Variants in ADAMTS19 observed in about 807,000 individuals in gnomAD.
ADAMTS19 encodes the protein A disintegrin and metalloproteinase with thrombospondin motifs 19.
A neutral mutation model predicts 153.3 loss-of-function variants in ADAMTS19; 93 were observed. The ratio of observed to expected loss-of-function variants is 0.61; its 90% CI spans 0.51 to 0.72. ADAMTS19 has a LOEUF of 0.72. ADAMTS19 is among the 30% of genes least tolerant of loss of function. The pLI, the probability that ADAMTS19 is intolerant of heterozygous loss-of-function variation, is 0.00. For synonymous variants in ADAMTS19, 600 were observed against 556.6 expected (o/e 1.08, Z -1.10); for missense variants, 1,482 against 1,552.1 (o/e 0.95, Z 0.76).
chr5:129,699,985 G>T (rs940926703), intron 19 of ADAMTS19, among the ~76,000 whole-genome samples: 5 of 152,030 alleles, frequency 3.3e-5, no homozygotes, highest in Admixed American at 2.0e-4. Context: ...AGCTAATAAG[G>T]TACCTACAAA....
At chr5:129,521,420 T>C (rs10036466) in intron 3 of ADAMTS19, among the ~76,000 whole-genome samples, 14,314 of 152,162 alleles carry the variant, frequency 0.094, 1,192 homozygotes, top group African/African-American at 0.23. Flanking sequence ...ATGAATTAGA[T>C]ATTGCAATAA....
At chr5:129,600,189 C>T (rs1001157171) in intron 8 of ADAMTS19, among the ~76,000 whole-genome samples, 1 of 151,994 alleles carries the variant, frequency 6.6e-6, no homozygotes, top group African/African-American at 2.4e-5. Flanking sequence ...ATGGTATCTA[C>T]AGATTCTATG....
intron 21 of ADAMTS19, among the ~76,000 whole-genome samples, chr5:129,721,188 C>T (rs542222385): frequency 6.6e-6 from 1 of 152,242 alleles, no homozygotes; most frequent in East Asian, 1.9e-4. Context: ...TGGATACCTA[C>T]TAAGCATAGT....
chr5:129,505,382 A>C (rs1751237862), intron 2 of ADAMTS19, among the ~76,000 whole-genome samples: 1 of 152,122 alleles, frequency 6.6e-6, no homozygotes, highest in African/African-American at 2.4e-5. Context: ...GTTCCTTCTA[A>C]CTTTTTAGTT....
chr5:129,689,934 A>G (rs984104592), intron 18 of ADAMTS19, among the ~76,000 whole-genome samples: 11 of 152,216 alleles, frequency 7.2e-5, no homozygotes, highest in African/African-American at 9.6e-5. Context: ...GCGATAATCC[A>G]TGAACTGGAT....
At chr5:129,687,162 A>G (rs770209562) in intron 18 of ADAMTS19, among the ~76,000 whole-genome samples, 6 of 152,136 alleles carry the variant, frequency 3.9e-5, no homozygotes, top group South Asian at 2.1e-4. Context: ...TCTCTTTAAC[A>G]TAGCTCAGAT....
At chr5:129,647,215 A>G (rs760669311) in intron 11 of ADAMTS19, among the ~76,000 whole-genome samples, 1,796 of 36,644 alleles carry the variant, frequency 0.049, 14 homozygotes, top group African/African-American at 0.11. Flanking sequence ...ATTCTTTCAG[A>G]AAAAAAAAAA....
chr5:129,633,812 G>A (rs1161900409), intron 10 of ADAMTS19, among the ~76,000 whole-genome samples: 8 of 152,084 alleles, frequency 5.3e-5, no homozygotes, highest in East Asian at 3.9e-4. Context: ...TTTGTAGTGC[G>A]TGTTGTGTAT....
intron 8 of ADAMTS19, among the ~76,000 whole-genome samples, chr5:129,611,876 C>A (rs1016784325): frequency 3.3e-5 from 5 of 152,076 alleles, no homozygotes; most frequent in African/African-American, 1.2e-4. Flanking sequence ...GGAAGCCCGT[C>A]AAACTCACAG....
At chr5:129,582,640 T>G (rs1749572337) in intron 7 of ADAMTS19, among the ~76,000 whole-genome samples, 3 of 152,168 alleles carry the variant, frequency 2.0e-5, no homozygotes, top group African/African-American at 7.2e-5. Context: ...TGGCATGATC[T>G]CGGCTCACTG....
At chr5:129,688,559 A>G (rs1040915614) in intron 18 of ADAMTS19, among the ~76,000 whole-genome samples, 1 of 152,160 alleles carries the variant, frequency 6.6e-6, no homozygotes, top group Admixed American at 6.5e-5. Flanking sequence ...ATTGTCAGTT[A>G]TTATAAGATA....
chr5:129,524,186 C>T (rs1469728551), intron 3 of ADAMTS19, among the ~76,000 whole-genome samples: 2 of 151,982 alleles, frequency 1.3e-5, no homozygotes, highest in African/African-American at 2.4e-5. Flanking sequence ...CTTCGACAAA[C>T]CTGACAAAAA....
Position 129,461,390 on chromosome 5 carries a change from A to G in ADAMTS19, c.380A>G (p.Glu127Gly). The change falls in exon 2 of 23, where the codon GAG (glutamate) becomes GGG (glycine). Residue 127 changes from glutamate (E) to glycine (G), a missense_variant. This residue lies in a region of ADAMTS19 where 866 missense variants were observed against 827.7 expected (regional missense o/e 1.05). Coordinates refer to ENST00000274487, the MANE Select transcript of ADAMTS19 (RefSeq NM_133638.6). The surrounding 1 kb of genome is among the most constrained non-coding windows in gnomAD (Gnocchi z 4.6). The part of the protein sequence containing the change: ...GEEDEELESQ[E>G]LPRGSSGAAA... ...GAGGACGAGGAGCTCGAGTCGCAGG[A>G]GCTGCCGCGGGGATCCAGCGGGGCT... 1 of 1,351,654 alleles carries G rather than the reference A, an allele frequency of 7.4e-7. No individual in the cohort carries two copies. Among genetic ancestry groups the G allele is most frequent in the East Asian group, 3.1e-5 (1 of 32,648 alleles). The allele number at this position is 1,351,654 out of a possible 1,614,324, so 83.7% of individuals were successfully genotyped here.
rs1561580834 is a variant in ADAMTS19 at position 129,578,083 on chromosome 5, T to TACATATAC, written c.1373-18475_1373-18474insCATATACA. On this transcript the variant is annotated intron_variant, in intron 7 of 22. Coordinates refer to ENST00000274487, the MANE Select transcript of ADAMTS19 (RefSeq NM_133638.6). ...ACACACACACACACACACACACATA[T>TACATATAC]ATACATATACATACATATACATATG... 3.9e-3 allele frequency among the ~76,000 whole-genome samples: 136 copies of TACATATAC among 35,106 alleles called. 14 individuals carry two copies. The highest frequency in any genetic ancestry group is 5.9e-3 in the African/African-American group (127 of 21,536). The allele number at this position is 35,106 out of a possible 152,430, so 23.0% of individuals were successfully genotyped here.
At chr5:129,516,960 G>A (rs752091976) in intron 3 of ADAMTS19, among the ~76,000 whole-genome samples, 24 of 146,638 alleles carry the variant, frequency 1.6e-4, no homozygotes, top group Non-Finnish European at 2.2e-4. Flanking sequence ...GAATCCCAAA[G>A]GTTTTGGTAT....
At chr5:129,658,311 AAG>A (rs1347539525) in intron 14 of ADAMTS19, among the ~76,000 whole-genome samples, 1 of 25,314 alleles carries the variant, frequency 4.0e-5, no homozygotes, top group African/African-American at 8.7e-5. Flanking sequence ...AAGAAAGAAA[AAG>A]AAAGAAAGAA....
chr5:129,734,826 A>G, intron 21 of ADAMTS19, 106 bp from the exon 22 acceptor site: 2 of 1,025,078 alleles, frequency 2.0e-6, no homozygotes, highest in Non-Finnish European at 1.3e-6. Flanking sequence ...TGCAGCTCAT[A>G]TTTAATTTTA....
At chr5:129,632,607 T>G in intron 10 of ADAMTS19, among the ~76,000 whole-genome samples, 1 of 152,150 alleles carries the variant, frequency 6.6e-6, no homozygotes, top group South Asian at 2.1e-4. Flanking sequence ...CTTAATTTTC[T>G]TTCACCTGAA....
chr5:129,461,478 G>A lies in ADAMTS19; in HGVS notation c.468G>A (p.Pro156=). The A allele has an allele frequency of 6.8e-7, 1 of 1,475,980 alleles. No individual in the cohort carries two copies. The highest frequency in any genetic ancestry group is 8.9e-7 in the Non-Finnish European group (1 of 1,122,446). The allele number at this position is 1,475,980 out of a possible 1,614,324, so 91.4% of individuals were successfully genotyped here. ...WQPPPPPQPP[P]SPPPAQHAEP... ...CGCCGCCTCCCCCGCAGCCGCCCCC[G>A]TCCCCGCCCCCGGCCCAGCATGCCG... The change falls in exon 2 of 23, where the codon CCG becomes CCA. Residue 156 remains proline (P), a synonymous_variant. Transcript: ENST00000274487. This position sits in a 1 kb window ranked among gnomAD's most constrained non-coding sequence, Gnocchi z 4.6.
Sources: gnomAD v4.1 joint callset for allele counts (sites outside exome capture counted in the v4.1 genomes callset) on GRCh38, gnomAD v4.1.1 for gene constraint, gnomAD v4.1.1 regional missense constraint, Gnocchi (gnomAD v3.1) non-coding constraint, MANE v1.5 for transcripts, NCBI Gene and HGNC (gene_info 2026-07-23, HGNC 2026-07-21) for gene names.